ELAPOR2: variants seen among roughly 807,000 people sequenced by gnomAD.
ELAPOR2 encodes endosome/lysosome-associated apoptosis and autophagy regulator family member 2.
ELAPOR2 carries 89 observed loss-of-function variants against 120.7 expected under a neutral mutation model. The observed-to-expected ratio is 0.74, with a 90% CI of 0.62 to 0.88. ELAPOR2 has a LOEUF of 0.88. Among genes scored for constraint, ELAPOR2 ranks in the 40% least tolerant of loss-of-function variants. ELAPOR2 has a pLI of 0.00. For missense variants in ELAPOR2, 1,134 were observed against 1,251.6 expected, an observed-to-expected ratio of 0.91 and a Z score of 1.42; for synonymous variants, 444 against 444.9, an observed-to-expected ratio of 1.00 and a Z score of 0.03.
intron 21 of ELAPOR2, among the ~76,000 whole-genome samples, chr7:86,883,951 T>C (rs1457129857): frequency 6.6e-6 from 1 of 152,154 alleles, no homozygotes; most frequent in Non-Finnish European, 1.5e-5. Flanking sequence ...GGGTGAAGTG[T>C]ATTGAAGTCT....
chr7:87,017,969 T>C (rs2116689316), intron 1 of ELAPOR2, among the ~76,000 whole-genome samples: 1 of 152,224 alleles, frequency 6.6e-6, no homozygotes, highest in South Asian at 2.1e-4. Flanking sequence ...ATAATTGTCA[T>C]TAACATCATC....
At chr7:86,918,675 C>T (rs1277669747) in intron 11 of ELAPOR2, 131 bp from the exon 12 acceptor site, 1 of 621,620 alleles carries the variant, frequency 1.6e-6, no homozygotes, top group Non-Finnish European at 2.9e-6. Flanking sequence ...TTCCCTCACC[C>T]ACAACTCCTT....
chr7:86,995,264 A>C (rs1793085014), intron 1 of ELAPOR2, among the ~76,000 whole-genome samples: 1 of 152,188 alleles, frequency 6.6e-6, no homozygotes, highest in South Asian at 2.1e-4. Context: ...CTCAATGATT[A>C]GCCTAGACCA....
intron 1 of ELAPOR2, among the ~76,000 whole-genome samples, chr7:87,002,664 G>C (rs1620056): frequency 6.6e-6 from 1 of 151,932 alleles, no homozygotes; most frequent in African/African-American, 2.4e-5. Context: ...ATTGGGGGTA[G>C]AGTTCCCAGG....
chr7:86,931,262 G>A (rs1790311448), intron 8 of ELAPOR2, among the ~76,000 whole-genome samples: 1 of 151,804 alleles, frequency 6.6e-6, no homozygotes, highest in Admixed American at 6.6e-5. Flanking sequence ...CACATATGAA[G>A]AGAGTACGTT....
intron 2 of ELAPOR2, among the ~76,000 whole-genome samples, chr7:86,949,749 C>T (rs574843825): frequency 2.0e-5 from 3 of 152,234 alleles, no homozygotes; most frequent in Non-Finnish European, 4.4e-5. Context: ...CTTCCTGCCA[C>T]CTCAGCCTCC....
intron 2 of ELAPOR2, among the ~76,000 whole-genome samples, chr7:86,951,012 G>A (rs1791223958): frequency 6.6e-6 from 1 of 152,194 alleles, no homozygotes; most frequent in Admixed American, 6.5e-5. Flanking sequence ...GGATCTTCTA[G>A]CAAACTCAGA....
chr7:86,991,067 A>T (rs984194741), intron 1 of ELAPOR2, among the ~76,000 whole-genome samples: 4 of 152,340 alleles, frequency 2.6e-5, no homozygotes, highest in Non-Finnish European at 4.4e-5. Flanking sequence ...CTATCATTGT[A>T]TATATGGATG....
intron 1 of ELAPOR2, among the ~76,000 whole-genome samples, chr7:87,020,035 AAC>A (rs1009695129): frequency 2.6e-5 from 4 of 152,184 alleles, no homozygotes; most frequent in Admixed American, 6.5e-5. Context: ...ATTTTCTTAT[AAC>A]ACATCAGAAA....
chr7:86,913,527 T>C (rs1789422276), intron 13 of ELAPOR2, among the ~76,000 whole-genome samples: 1 of 152,110 alleles, frequency 6.6e-6, no homozygotes, highest in Non-Finnish European at 1.5e-5. Context: ...AGAGGAACAG[T>C]TTTTATCTCC....
At chr7:86,974,923 C>G (rs968108542) in intron 1 of ELAPOR2, among the ~76,000 whole-genome samples, 1 of 152,132 alleles carries the variant, frequency 6.6e-6, no homozygotes, top group Non-Finnish European at 1.5e-5. Flanking sequence ...TGACATTCAC[C>G]TAGCAAGGCT....
At chr7:86,949,493 A>C (rs1402622756) in intron 2 of ELAPOR2, among the ~76,000 whole-genome samples, 2 of 152,132 alleles carry the variant, frequency 1.3e-5, no homozygotes. Context: ...GGCAGACTCA[A>C]GCTTCCCTGT....
chr7:86,928,514 C>T (rs1338030524), intron 8 of ELAPOR2, among the ~76,000 whole-genome samples: 3 of 151,870 alleles, frequency 2.0e-5, no homozygotes, highest in East Asian at 1.9e-4. Context: ...GCGGGCGGTG[C>T]TGACACCCTG....
At chr7:87,037,271 T>C (rs897202581) in intron 1 of ELAPOR2, among the ~76,000 whole-genome samples, 2 of 152,076 alleles carry the variant, frequency 1.3e-5, no homozygotes, top group Non-Finnish European at 2.9e-5. Context: ...TCCACCTGTC[T>C]TCAGGAGAGC....
chr7:87,038,491 G>A (rs1198405635), intron 1 of ELAPOR2, among the ~76,000 whole-genome samples: 1 of 152,064 alleles, frequency 6.6e-6, no homozygotes, highest in African/African-American at 2.4e-5. Flanking sequence ...TAAGTGACAC[G>A]AAAAATATTG....
At chr7:87,008,212 T>G (rs1455380997) in intron 1 of ELAPOR2, among the ~76,000 whole-genome samples, 1 of 152,184 alleles carries the variant, frequency 6.6e-6, no homozygotes. Context: ...AAACATATAA[T>G]GTCAATCTAA....
At chr7:86,995,794 A>G (rs1793103672) in intron 1 of ELAPOR2, among the ~76,000 whole-genome samples, 1 of 152,228 alleles carries the variant, frequency 6.6e-6, no homozygotes, top group African/African-American at 2.4e-5. Context: ...GTTTATTTTT[A>G]TAGATTACAC....
chr7:86,913,169 A>G lies in ELAPOR2; in HGVS notation c.1767T>C (p.Tyr589=), dbSNP rs756887637. 6.2e-7 allele frequency: 1 copy of G among 1,614,056 alleles called. No individual in the cohort carries two copies. The change falls in exon 14 of 22, where the codon TAT becomes TAC. Residue 589 remains tyrosine (Y), a synonymous_variant. Transcript: ENST00000450689. ...CAACTGCATTAGTGGCTGTGATAGA[A>G]TAAATCTTCACCATGTCATTGATGA... is the stretch of plus-strand genomic sequence containing the variant. ...RRFINDMVKI[Y]SITATNAVDG...
chr7:86,926,038 T>G lies in ELAPOR2; in HGVS notation c.1271-382A>C, dbSNP rs1479942224. ...CCTTAGAATCAGTTCTTCCACCTTATGAATAAAGAAAGATTTCACTCTTCC... is the reference window on the plus strand; with the variant it reads ...CCTTAGAATCAGTTCTTCCACCTTAGGAATAAAGAAAGATTTCACTCTTCC... On this transcript the variant is annotated intron_variant, in intron 9 of 21. Coordinates refer to ENST00000450689, the MANE Select transcript of ELAPOR2 (RefSeq NM_001142749.3). Among the ~76,000 whole-genome samples, 3 of 152,174 alleles carry G rather than the reference T, an allele frequency of 2.0e-5. No individual in the cohort carries two copies. The East Asian group carries it at 5.8e-4, about 29-fold the overall frequency.
Sources: gnomAD v4.1 joint callset for allele counts (sites outside exome capture counted in the v4.1 genomes callset) on GRCh38, gnomAD v4.1.1 for gene constraint, MANE v1.5 for transcripts, NCBI Gene and HGNC (gene_info 2026-07-23, HGNC 2026-07-21) for gene names.